MAJIN: variants seen among roughly 807,000 people sequenced by gnomAD.
MAJIN encodes the protein membrane-anchored junction protein.
Under a neutral mutation model 30.2 loss-of-function variants are expected in MAJIN, and 27 were observed. The ratio of observed to expected loss-of-function variants is 0.89; its 90% CI spans 0.66 to 1.23. The LOEUF (loss-of-function observed/expected upper bound fraction) is 1.23, where lower values mean the gene tolerates loss of function less well. Among genes scored for constraint, MAJIN ranks in the 50% most tolerant of loss-of-function variants. The pLI is 0.00. For missense variants in MAJIN, 253 were observed against 260.3 expected, an observed-to-expected ratio of 0.97 and a Z score of 0.19; for synonymous variants, 78 against 91.6, an observed-to-expected ratio of 0.85 and a Z score of 0.85.
At chr11:64,942,699 G>A (rs796939785) in intron 8 of MAJIN, among the ~76,000 whole-genome samples, 5 of 152,280 alleles carry the variant, frequency 3.3e-5, no homozygotes, top group African/African-American at 7.2e-5. Flanking sequence ...GGCAGCCACC[G>A]AAGTCATATT....
intron 3 of MAJIN, among the ~76,000 whole-genome samples, chr11:64,958,330 G>A (rs1275854409): frequency 2.0e-5 from 3 of 152,170 alleles, no homozygotes; most frequent in East Asian, 3.9e-4. Flanking sequence ...TTTAAAGAGT[G>A]CAAGGTGGGT....
chr11:64,940,457 G>C, intron 9 of MAJIN, 117 bp downstream of exon 9: 1 of 1,006,436 alleles, frequency 9.9e-7, no homozygotes, highest in Non-Finnish European at 1.5e-6. Context: ...ACGGGAGCAA[G>C]GCACATTACC....
chr11:64,940,344 AGGAAGGGCATGCC>A (rs1945355303), intron 9 of MAJIN, among the ~76,000 whole-genome samples: 1 of 152,178 alleles, frequency 6.6e-6, no homozygotes, highest in Non-Finnish European at 1.5e-5. Flanking sequence ...TCAGAAGCAG[AGGAAGGGCATGCC>A]CTACCTCCCT....
chr11:64,951,764 CAAAAAAAA>C (rs11329539), intron 4 of MAJIN, among the ~76,000 whole-genome samples: 1 of 95,890 alleles, frequency 1.0e-5, no homozygotes, highest in Non-Finnish European at 2.2e-5. Flanking sequence ...AACCTTGTCT[CAAAAAAAA>C]AAAAAAAAAA....
At chr11:64,946,025 G>C in intron 8 of MAJIN, 1 of 1,413,002 alleles carries the variant, frequency 7.1e-7, no homozygotes, top group South Asian at 1.4e-5. Context: ...ACTTGTAACA[G>C]AACAGGAATA....
In MAJIN at chr11:64,941,338, G is replaced by A. The variant is rs552504997; in HGVS notation, c.474-692C>T. ...CTTGGAGAAATGTATAATCTATGGA[G>A]CAAAATGGACATAAACTAAGTCAAG... On this transcript the variant is annotated intron_variant, in intron 8 of 10. Coordinates refer to ENST00000301896, the MANE Select transcript of MAJIN (RefSeq NM_001037225.3). Among the ~76,000 whole-genome samples, 179 of 152,266 alleles carry A rather than the reference G, an allele frequency of 1.2e-3. 1 individual carries two copies. The highest frequency in any genetic ancestry group is 1.9e-3 in the Non-Finnish European group (131 of 68,022).
At chr11:64,970,045 T>C (rs962642651) in intron 1 of MAJIN, among the ~76,000 whole-genome samples, 1 of 152,008 alleles carries the variant, frequency 6.6e-6, no homozygotes, top group South Asian at 2.1e-4. Context: ...TGCAGATACA[T>C]ACATGAAGGA....
In MAJIN at chr11:64,972,030, G is replaced by A. The variant is rs1309305344; in HGVS notation, c.-218C>T. 6.6e-6 allele frequency: 1 copy of A among 152,232 alleles called. No individual in the cohort carries two copies. 9.4% of individuals were successfully genotyped at this position (152,232 alleles called of 1,614,324 possible). A position where few individuals can be genotyped will look rare whatever the true frequency, so the allele number is the denominator to read the frequency against. Reference sequence around the variant, plus strand: ...CCAACCTCGAACGAAGTCGTTTTGAGGGACTGGCTCGCCAGCTCCTAAGCA... The same window carrying A: ...CCAACCTCGAACGAAGTCGTTTTGAAGGACTGGCTCGCCAGCTCCTAAGCA... On this transcript the variant is annotated 5_prime_UTR_variant, in exon 1 of 11. Transcript: ENST00000301896.
intron 8 of MAJIN, among the ~76,000 whole-genome samples, chr11:64,945,774 T>A (rs909317574): frequency 6.6e-6 from 1 of 152,160 alleles, no homozygotes; most frequent in East Asian, 1.9e-4. Context: ...TGACTTCAGG[T>A]GATCCGCCTG....
At position 64,958,452 on chromosome 11, in the gene MAJIN, C is replaced by T. The variant is rs572804733; in HGVS notation, c.101+853G>A. On this transcript the variant is annotated intron_variant, in intron 3 of 10. Transcript: ENST00000301896. The stretch of plus-strand genomic sequence containing the variant: ...GCAACACAGTGAGACTTCATTTCTA[C>T]AAAAAAAATTTTAAAATTAGCCTGG... Among the ~76,000 whole-genome samples the T allele has an allele frequency of 1.4e-3, 207 of 151,308 alleles. 1 individual carries two copies. Among genetic ancestry groups the T allele is most frequent in the African/African-American group, 4.9e-3 (201 of 41,278 alleles).
chr11:64,951,371 T>C (rs1724693954), intron 4 of MAJIN, among the ~76,000 whole-genome samples: 1 of 152,226 alleles, frequency 6.6e-6, no homozygotes, highest in African/African-American at 2.4e-5. Context: ...TTTGGCATCA[T>C]AAAGACTACT....
chr11:64,940,652 A>C lies in MAJIN; in HGVS notation c.474-6T>G. On this transcript the variant is annotated splice_region_variant and splice_polypyrimidine_tract_variant and intron_variant, in intron 8 of 10. Transcript: ENST00000301896. Reference sequence around the variant, plus strand: ...TGGGTTTTTCTTTCCCTATTCTGTTAAAAAGAAGACCAAGAAAAGCCTTAA... The same window carrying C: ...TGGGTTTTTCTTTCCCTATTCTGTTCAAAAGAAGACCAAGAAAAGCCTTAA... 6.2e-7 allele frequency: 1 copy of C among 1,613,438 alleles called. No individual in the cohort carries two copies. The highest frequency in any genetic ancestry group is 8.5e-7 in the Non-Finnish European group (1 of 1,179,472).
chr11:64,958,184 A>ACCC (rs36084476), intron 3 of MAJIN, among the ~76,000 whole-genome samples: 9 of 148,808 alleles, frequency 6.0e-5, no homozygotes, highest in South Asian at 2.1e-4. Flanking sequence ...CTCATGATTC[A>ACCC]CCCCCCCGCC....
intron 6 of MAJIN, among the ~76,000 whole-genome samples, chr11:64,948,635 ATATATTTT>A (rs1167525239): frequency 2.7e-5 from 1 of 37,124 alleles, no homozygotes; most frequent in African/African-American, 2.0e-4. Context: ...ATATATATAT[ATATATTTT>A]TTTTTTTTTT....
intron 5 of MAJIN, 96 bp from the exon 6 acceptor site, chr11:64,949,964 C>T (rs1945524404): frequency 2.7e-6 from 4 of 1,459,390 alleles, no homozygotes; most frequent in Middle Eastern, 1.8e-4. Flanking sequence ...CTGACCTACC[C>T]TCCAAACTGC....
At chr11:64,961,783 T>C (rs1480377141) in intron 1 of MAJIN, among the ~76,000 whole-genome samples, 1 of 149,842 alleles carries the variant, frequency 6.7e-6, no homozygotes, top group East Asian at 1.9e-4. Context: ...GCTCTTTTTT[T>C]TTCTTTTCTT....
intron 3 of MAJIN, among the ~76,000 whole-genome samples, chr11:64,958,353 T>C (rs1289994557): frequency 1.3e-5 from 2 of 152,084 alleles, no homozygotes; most frequent in Non-Finnish European, 2.9e-5. Flanking sequence ...TGGTGGCTCA[T>C]GCCTGGAATT....
At chr11:64,958,184 A>ACCGC (rs1554972272) in intron 3 of MAJIN, among the ~76,000 whole-genome samples, 3 of 148,810 alleles carry the variant, frequency 2.0e-5, no homozygotes, top group African/African-American at 7.6e-5. Flanking sequence ...CTCATGATTC[A>ACCGC]CCCCCCCGCC....
intron 8 of MAJIN, among the ~76,000 whole-genome samples, chr11:64,946,982 T>C (rs1360614412): frequency 1.3e-5 from 2 of 152,146 alleles, no homozygotes; most frequent in Non-Finnish European, 2.9e-5. Flanking sequence ...CTGGGTAAAA[T>C]AGAATTATAT....
Sources: gnomAD v4.1 joint callset for allele counts (sites outside exome capture counted in the v4.1 genomes callset) on GRCh38, gnomAD v4.1.1 for gene constraint, MANE v1.5 for transcripts, NCBI Gene and HGNC (gene_info 2026-07-23, HGNC 2026-07-21) for gene names.